Variants in CTNNA3 observed in about 807,000 individuals in gnomAD.
The protein encoded by CTNNA3 is catenin alpha-3.
CTNNA3 carries 76 observed loss-of-function variants against 95.7 expected under a neutral mutation model. The observed-to-expected ratio is 0.79, with a 90% CI of 0.66 to 0.96. CTNNA3 has a LOEUF of 0.96. Ranked by LOEUF, CTNNA3 falls within the 40% of genes least tolerant of loss-of-function variation. The pLI, the probability that CTNNA3 is intolerant of heterozygous loss-of-function variation, is 0.00. For missense variants in CTNNA3, 1,191 were observed against 1,089.8 expected, an observed-to-expected ratio of 1.09 and a Z score of -1.31; for synonymous variants, 431 against 374.4, an observed-to-expected ratio of 1.15 and a Z score of -1.74.
intron 10 of CTNNA3, among the ~76,000 whole-genome samples, chr10:66,618,985 G>A: frequency 6.6e-6 from 1 of 152,274 alleles, no homozygotes; most frequent in South Asian, 2.1e-4. Context: ...GGCCATCAGA[G>A]AAATGCAAAT....
chr10:67,060,730 G>A (rs1432762767), intron 7 of CTNNA3, among the ~76,000 whole-genome samples: 1 of 152,144 alleles, frequency 6.6e-6, no homozygotes, highest in Non-Finnish European at 1.5e-5. Flanking sequence ...TCCAGATGAT[G>A]TAGCTAGAAA....
At chr10:66,461,687 A>G (rs201491092) in intron 11 of CTNNA3, among the ~76,000 whole-genome samples, 2,700 of 134,662 alleles carry the variant, frequency 0.02, 42 homozygotes, top group African/African-American at 0.047. Flanking sequence ...ATATATATGT[A>G]TATATATATA....
At chr10:67,270,805 T>G (rs938662215) in intron 5 of CTNNA3, among the ~76,000 whole-genome samples, 63 of 152,320 alleles carry the variant, frequency 4.1e-4, no homozygotes, top group African/African-American at 1.5e-3. Context: ...TATGTGACGC[T>G]AATTCGTAAA....
intron 2 of CTNNA3, among the ~76,000 whole-genome samples, chr10:67,610,801 AG>A (rs1260183990): frequency 6.6e-6 from 1 of 152,248 alleles, no homozygotes; most frequent in Admixed American, 6.5e-5. Context: ...ATTCTAATGT[AG>A]GGTTTAAGCC....
intron 4 of CTNNA3, among the ~76,000 whole-genome samples, chr10:67,529,652 A>G (rs1840260995): frequency 6.7e-6 from 1 of 150,218 alleles, no homozygotes; most frequent in South Asian, 2.1e-4. Context: ...TAATAATACA[A>G]TAAATAAAAT....
At chr10:65,937,144 C>T (rs550855549) in intron 17 of CTNNA3, among the ~76,000 whole-genome samples, 12 of 151,884 alleles carry the variant, frequency 7.9e-5, no homozygotes, top group Non-Finnish European at 1.5e-4. Context: ...AAATGTAAAC[C>T]CCCTTCTTTG....
chr10:67,224,679 A>C (rs933720146), intron 5 of CTNNA3, among the ~76,000 whole-genome samples: 21 of 152,250 alleles, frequency 1.4e-4, no homozygotes, highest in African/African-American at 4.6e-4. Flanking sequence ...CAAGCAAAAA[A>C]AAATATAGAG....
chr10:67,302,077 AAG>A (rs1165290782), intron 5 of CTNNA3, among the ~76,000 whole-genome samples: 2 of 121,330 alleles, frequency 1.6e-5, no homozygotes, highest in African/African-American at 5.8e-5. Flanking sequence ...GAAAGAAAGA[AAG>A]AAAGAAAGAA....
At chr10:66,191,413 C>T (rs921063257) in intron 13 of CTNNA3, among the ~76,000 whole-genome samples, 2 of 152,030 alleles carry the variant, frequency 1.3e-5, no homozygotes, top group Non-Finnish European at 2.9e-5. Context: ...ACTATCTTAC[C>T]ATCCTTTAAC....
intron 7 of CTNNA3, among the ~76,000 whole-genome samples, chr10:66,783,020 A>C (rs1406232451): frequency 6.6e-6 from 1 of 152,106 alleles, no homozygotes; most frequent in Non-Finnish European, 1.5e-5. Flanking sequence ...ACACTAAATG[A>C]TCTTTAGGGT....
At chr10:67,726,571 A>G (rs1207455036) in intron 1 of CTNNA3, among the ~76,000 whole-genome samples, 1 of 69,824 alleles carries the variant, frequency 1.4e-5, no homozygotes, top group Non-Finnish European at 2.3e-5. Flanking sequence ...AATATATATT[A>G]CATATTATAT....
At chr10:67,221,168 T>C (rs1389264180) in intron 5 of CTNNA3, among the ~76,000 whole-genome samples, 1 of 152,174 alleles carries the variant, frequency 6.6e-6, no homozygotes, top group Non-Finnish European at 1.5e-5. Flanking sequence ...TAGCAATGCA[T>C]CAGTATCCAT....
chr10:67,260,887 G>A (rs1564518934), intron 5 of CTNNA3, among the ~76,000 whole-genome samples: 1 of 152,068 alleles, frequency 6.6e-6, no homozygotes, highest in African/African-American at 2.4e-5. Context: ...GTTTCTCCAT[G>A]TTGGTCAGGC....
chr10:67,462,997 C>A lies in CTNNA3; in HGVS notation c.579+58845G>T, dbSNP rs1311401673. Among the ~76,000 whole-genome samples the A allele has an allele frequency of 8.2e-4, 124 of 151,498 alleles. 4 individuals carry two copies. The highest frequency in any genetic ancestry group is 8.1e-3 in the Admixed American group (124 of 15,220). On this transcript the variant is annotated intron_variant, in intron 5 of 17. Transcript: ENST00000433211. ...TCGGCTCACTGCAACCTCTACCTCC[C>A]AGGTTCAAGCAATTCTCCTGCCTCA...
At chr10:67,431,218 C>A (rs1251148372) in intron 5 of CTNNA3, among the ~76,000 whole-genome samples, 2 of 151,972 alleles carry the variant, frequency 1.3e-5, no homozygotes, top group Non-Finnish European at 2.9e-5. Context: ...ACATCCCATG[C>A]CTGAAATGGA....
Position 65,915,839 on chromosome 10 carries a change from GT to G in CTNNA3, c.*4490del, listed in dbSNP as rs1248597738. Reference sequence around the variant, plus strand: ...TTTATTTTGCTTTAATAGAATATATGTTTTTGTTCATATGAATTGGTTAAAA... The same window carrying G: ...TTTATTTTGCTTTAATAGAATATATGTTTTGTTCATATGAATTGGTTAAAA... On this transcript the variant is annotated 3_prime_UTR_variant, in exon 18 of 18. Transcript: ENST00000433211. The G allele has an allele frequency of 6.6e-6, 1 of 152,126 alleles. No homozygotes were observed. Among genetic ancestry groups the G allele is most frequent in the Non-Finnish European group, 1.5e-5 (1 of 68,010 alleles). 9.4% of individuals were successfully genotyped at this position (152,126 alleles called of 1,614,324 possible). A position where few individuals can be genotyped will look rare whatever the true frequency, so the allele number is the denominator to read the frequency against.
intron 7 of CTNNA3, among the ~76,000 whole-genome samples, chr10:66,812,811 C>T (rs1229860968): frequency 6.6e-6 from 1 of 152,156 alleles, no homozygotes; most frequent in African/African-American, 2.4e-5. Flanking sequence ...AGATGTATAA[C>T]TGCAAATTTA....
At chr10:66,526,206 A>G (rs916848225) in intron 10 of CTNNA3, among the ~76,000 whole-genome samples, 2 of 151,972 alleles carry the variant, frequency 1.3e-5, no homozygotes, top group African/African-American at 4.8e-5. Flanking sequence ...ATTTTTTTAA[A>G]AAGGGGTCTC....
chr10:66,234,366 T>G (rs976169019), intron 13 of CTNNA3, among the ~76,000 whole-genome samples: 10 of 152,118 alleles, frequency 6.6e-5, no homozygotes, highest in Admixed American at 3.9e-4. Flanking sequence ...TCCTTAGAGT[T>G]GAAGATACAC....
Sources: gnomAD v4.1 joint callset for allele counts (sites outside exome capture counted in the v4.1 genomes callset) on GRCh38, gnomAD v4.1.1 for gene constraint, MANE v1.5 for transcripts, NCBI Gene and HGNC (gene_info 2026-07-23, HGNC 2026-07-21) for gene names.